The following ZNF75D variants were observed in gnomAD, a reference collection of about 807,000 sequenced individuals.
The protein encoded by ZNF75D is zinc finger protein 75D, also known as zinc finger protein 75.
Under a neutral mutation model 33.3 loss-of-function variants are expected in ZNF75D, and 33 were observed. That is an observed-to-expected ratio of 0.99 (90% CI 0.75 to 1.32). The LOEUF (loss-of-function observed/expected upper bound fraction) is 1.32, where lower values mean the gene tolerates loss of function less well. Among genes scored for constraint, ZNF75D ranks in the 40% most tolerant of loss-of-function variants. The pLI is 0.00. For missense variants in ZNF75D, 338 were observed against 367.5 expected, an observed-to-expected ratio of 0.92 and a Z score of 0.66; for synonymous variants, 113 against 130.6, an observed-to-expected ratio of 0.87 and a Z score of 0.92.
Position 135,294,026 on chromosome X carries a change from T to A in ZNF75D, c.115A>T (p.Lys39Ter), listed in dbSNP as rs1384935579. The A allele has an allele frequency of 9.9e-6, 12 of 1,210,349 alleles. No individual in the cohort carries two copies. Among genetic ancestry groups the A allele is most frequent in the Non-Finnish European group, 1.2e-5 (11 of 895,229 alleles). The change falls in exon 3 of 7, where the codon AAA (lysine) becomes TAA (stop). Residue 39 changes from lysine (K) to a stop codon, truncating the protein, a stop_gained. Coordinates refer to ENST00000370766, the MANE Select transcript of ZNF75D (RefSeq NM_007131.5). LOFTEE classifies it high-confidence loss of function. ...CTCTCAGGACCAAGATTCTCTATTT[T>A]TGTGCTGTATTTCTTACTCTGACTG... The part of the protein sequence containing the change: ...NSSQSKKYST[K>*]IENLGPESAC...
chrX:135,290,191 G>T (rs2084019045), intron 6 of ZNF75D, among the ~76,000 whole-genome samples: 1 of 112,041 alleles, frequency 8.9e-6, no homozygotes, highest in Non-Finnish European at 1.9e-5. Flanking sequence ...CTTATGAAGT[G>T]TCCTCATACT....
intron 6 of ZNF75D, 73 bp from the exon 7 acceptor site, chrX:135,287,919 CA>C (rs2083980952): frequency 1.2e-6 from 1 of 815,627 alleles, no homozygotes; most frequent in Admixed American, 3.1e-5. Context: ...AGAGAAAAGT[CA>C]ATGATGATTG....
intron 1 of ZNF75D, among the ~76,000 whole-genome samples, chrX:135,265,112 G>A (rs1474211018): frequency 1.0e-4 from 11 of 110,369 alleles, no homozygotes; most frequent in Admixed American, 5.8e-4. Context: ...CTAGCTACTC[G>A]GGAGGCTGAG....
chrX:135,331,906 C>CA (rs1479784079), intron 1 of ZNF75D, among the ~76,000 whole-genome samples: 2 of 111,627 alleles, frequency 1.8e-5, no homozygotes, highest in Admixed American at 1.9e-4. Flanking sequence ...TCAATATTGC[C>CA]AAAAAATAGC....
chrX:135,325,321 C>A (rs1159755710), intron 1 of ZNF75D, among the ~76,000 whole-genome samples: 1 of 109,739 alleles, frequency 9.1e-6, no homozygotes, highest in African/African-American at 3.3e-5. Context: ...CGCTTGCTCT[C>A]GGCGCCTCCT....
At chrX:135,337,380 A>G (rs2084725757) in intron 1 of ZNF75D, among the ~76,000 whole-genome samples, 1 of 112,151 alleles carries the variant, frequency 8.9e-6, no homozygotes, top group Non-Finnish European at 1.9e-5. Context: ...TCATAATTTC[A>G]TAATGGCATA....
Position 135,341,376 on chromosome X carries a change from A to G in ZNF75D, c.-391+392T>C, listed in dbSNP as rs182451045. ...AGCGATTACTGTATATTGCTTCTGA[A>G]CTAGCACTGATTCCAAAAGCCTCAA... On this transcript the variant is annotated intron_variant, in intron 1 of 6. Transcript: ENST00000370766. Among the ~76,000 whole-genome samples, 74 of 112,368 alleles carry G rather than the reference A, an allele frequency of 6.6e-4. 1 individual carries two copies. The highest frequency in any genetic ancestry group is 4.6e-3 in the Middle Eastern group (1 of 218).
intron 1 of ZNF75D, among the ~76,000 whole-genome samples, chrX:135,304,215 A>G (rs973045895): frequency 1.8e-5 from 2 of 111,648 alleles, no homozygotes; most frequent in African/African-American, 6.5e-5. Flanking sequence ...CACCCAGAAC[A>G]GCATTTCCAA....
At chrX:135,306,120 T>C (rs1556425681) in intron 1 of ZNF75D, among the ~76,000 whole-genome samples, 1 of 111,029 alleles carries the variant, frequency 9.0e-6, no homozygotes, top group Admixed American at 9.6e-5. Flanking sequence ...CTGAGCAGAA[T>C]GCTCAGCATG....
At chrX:135,328,759 T>A (rs1331949201) in intron 1 of ZNF75D, among the ~76,000 whole-genome samples, 1 of 112,488 alleles carries the variant, frequency 8.9e-6, no homozygotes, top group African/African-American at 3.2e-5. Context: ...TTGACAATTT[T>A]CCCTGGCTAC....
chrX:135,315,686 ACTTT>A (rs782401631), intron 1 of ZNF75D, among the ~76,000 whole-genome samples: 10 of 111,832 alleles, frequency 8.9e-5, no homozygotes, highest in African/African-American at 9.7e-5. Context: ...TTATATAATG[ACTTT>A]CTTTGTCTTT....
chrX:135,318,386 C>T (rs2084449869), intron 1 of ZNF75D, among the ~76,000 whole-genome samples: 1 of 110,596 alleles, frequency 9.0e-6, no homozygotes, highest in Non-Finnish European at 1.9e-5. Flanking sequence ...CCTTTCTCTA[C>T]TAAGCCTGAC....
chrX:135,269,951 T>A (rs189830102), intron 1 of ZNF75D, among the ~76,000 whole-genome samples: 4 of 111,179 alleles, frequency 3.6e-5, no homozygotes, highest in African/African-American at 1.3e-4. Flanking sequence ...ACAACCTGGA[T>A]AAAAGCGGAG....
chrX:135,282,111 C>G (rs2083922250), downstream of ZNF75D, among the ~76,000 whole-genome samples: 1 of 112,329 alleles, frequency 8.9e-6, no homozygotes, highest in African/African-American at 3.2e-5. Flanking sequence ...CCCCCAGGTG[C>G]TCTGTCCCAG....
chrX:135,324,802 T>G (rs2084541133), intron 1 of ZNF75D, among the ~76,000 whole-genome samples: 2 of 112,554 alleles, frequency 1.8e-5, no homozygotes, highest in African/African-American at 6.5e-5. Flanking sequence ...GTCTTAGGTC[T>G]CTGAGAATAC....
At chrX:135,253,849 C>T (rs1375242484) in intron 2 of ZNF75D, among the ~76,000 whole-genome samples, 4 of 103,339 alleles carry the variant, frequency 3.9e-5, no homozygotes, top group Non-Finnish European at 6.0e-5. Context: ...CCCTGGTGTT[C>T]CCCTCTAAAA....
At chrX:135,338,587 T>C (rs183403270) in intron 1 of ZNF75D, among the ~76,000 whole-genome samples, 6 of 112,032 alleles carry the variant, frequency 5.4e-5, no homozygotes, top group Non-Finnish European at 5.6e-5. Flanking sequence ...TGACACTTTC[T>C]AGTAGATCTG....
At chrX:135,269,755 G>A (rs976588471) in intron 1 of ZNF75D, among the ~76,000 whole-genome samples, 3 of 111,611 alleles carry the variant, frequency 2.7e-5, no homozygotes, top group Admixed American at 1.9e-4. Flanking sequence ...AGTATATACA[G>A]CAAATAAAAT....
intron 2 of ZNF75D, among the ~76,000 whole-genome samples, chrX:135,295,102 C>G (rs898704335): frequency 2.9e-4 from 32 of 111,513 alleles, no homozygotes; most frequent in Middle Eastern, 4.7e-3. Context: ...TAATGGTAAC[C>G]TTTCTCCTGA....
Sources: allele counts gnomAD v4.1 joint callset (sites outside exome capture counted in the v4.1 genomes callset), GRCh38; gene constraint gnomAD v4.1.1; transcripts MANE v1.5; gene names NCBI Gene and HGNC (gene_info 2026-07-23, HGNC 2026-07-21).